SLC35F4: variants seen among roughly 807,000 people sequenced by gnomAD.
SLC35F4 encodes solute carrier family 35 member F4, also known as chromosome 14 open reading frame 36.
Under a neutral mutation model 44.2 loss-of-function variants are expected in SLC35F4, and 24 were observed. That is an observed-to-expected ratio of 0.54 (90% CI 0.39 to 0.76). The LOEUF (loss-of-function observed/expected upper bound fraction) is 0.76, where lower values mean the gene tolerates loss of function less well. Ranked by LOEUF, SLC35F4 falls within the 30% of genes least tolerant of loss-of-function variation. The pLI is 0.00. For synonymous variants in SLC35F4, 238 were observed against 223.6 expected (o/e 1.06, Z -0.57); for missense variants, 562 against 586.1 (o/e 0.96, Z 0.42).
At chr14:57,806,451 C>T (rs1881331874) in intron 1 of SLC35F4, among the ~76,000 whole-genome samples, 1 of 152,140 alleles carries the variant, frequency 6.6e-6, no homozygotes, top group Non-Finnish European at 1.5e-5. Context: ...CCAATCATGT[C>T]TCCAAATTTT....
chr14:57,936,718 C>T (rs966412425), intron 1 of SLC35F4, among the ~76,000 whole-genome samples: 1 of 152,078 alleles, frequency 6.6e-6, no homozygotes, highest in Non-Finnish European at 1.5e-5. Flanking sequence ...GCACTAGACT[C>T]AGTATTGGGA....
At chr14:57,742,897 C>G (rs1321661232) in intron 1 of SLC35F4, among the ~76,000 whole-genome samples, 1 of 152,172 alleles carries the variant, frequency 6.6e-6, no homozygotes, top group African/African-American at 2.4e-5. Flanking sequence ...TGCAATCAAA[C>G]TAGAACTCAG....
chr14:57,785,499 G>C, intron 1 of SLC35F4, among the ~76,000 whole-genome samples: 1 of 152,158 alleles, frequency 6.6e-6, no homozygotes, highest in East Asian at 1.9e-4. Flanking sequence ...CCAGATAACT[G>C]TAAGAACAAA....
At chr14:57,770,760 G>C (rs774323344) in intron 1 of SLC35F4, among the ~76,000 whole-genome samples, 5 of 151,952 alleles carry the variant, frequency 3.3e-5, no homozygotes, top group African/African-American at 1.2e-4. Context: ...TACAAGTCTT[G>C]GTATTTTTCT....
rs539893103 is a variant in SLC35F4 at position 57,569,676 on chromosome 14, G to A, written c.1126+112C>T. The A allele has an allele frequency of 4.7e-5, 56 of 1,203,570 alleles. No homozygotes were observed. The South Asian group carries it at 9.8e-4, about 21-fold the overall frequency. The allele number at this position is 1,203,570 out of a possible 1,614,324, so 74.6% of individuals were successfully genotyped here. ...TGACCAACGACATTGAACAACATAA[G>A]TTTGGGAACTAGAGCACAGAGTTAC... is the stretch of plus-strand genomic sequence containing the variant. On this transcript the variant is annotated intron_variant, in intron 6 of 7. Transcript: ENST00000556826.
intron 1 of SLC35F4, among the ~76,000 whole-genome samples, chr14:57,964,727 G>C (rs1281883529): frequency 2.0e-5 from 3 of 152,014 alleles, no homozygotes; most frequent in Non-Finnish European, 2.9e-5. Flanking sequence ...GCCTCAAGGT[G>C]GGGAAGGTAG....
chr14:57,730,718 A>G (rs1486801296), intron 1 of SLC35F4, among the ~76,000 whole-genome samples: 1 of 152,066 alleles, frequency 6.6e-6, no homozygotes, highest in Non-Finnish European at 1.5e-5. Flanking sequence ...GCATTATTTT[A>G]TTTCTCCCTG....
chr14:57,641,172 A>G lies in SLC35F4; in HGVS notation c.104-47048T>C, dbSNP rs562760726. Among the ~76,000 whole-genome samples the G allele has an allele frequency of 1.1e-4, 17 of 148,074 alleles. 1 individual carries two copies. Among genetic ancestry groups the G allele is most frequent in the African/African-American group, 4.0e-4 (16 of 40,284 alleles). ...AAATGTAAGCCTTTTTCTATTCAAT[A>G]TCAAAAGCACCTATTGCATCCTAAT... On this transcript the variant is annotated intron_variant, in intron 1 of 7. Transcript: ENST00000556826.
chr14:57,638,416 T>A (rs2073096101), intron 1 of SLC35F4, among the ~76,000 whole-genome samples: 1 of 152,120 alleles, frequency 6.6e-6, no homozygotes, highest in South Asian at 2.1e-4. Context: ...GTATGTTTGT[T>A]CAGCACACGT....
chr14:57,660,096 A>T (rs73303894), intron 1 of SLC35F4, among the ~76,000 whole-genome samples: 1 of 152,208 alleles, frequency 6.6e-6, no homozygotes, highest in Non-Finnish European at 1.5e-5. Flanking sequence ...TTTGACTTGC[A>T]TATCTATTTG....
At chr14:57,711,764 C>T (rs932734580) in intron 1 of SLC35F4, among the ~76,000 whole-genome samples, 5 of 152,114 alleles carry the variant, frequency 3.3e-5, no homozygotes, top group African/African-American at 9.7e-5. Context: ...CTTATCAAAC[C>T]GAAGCGCAGA....
chr14:57,634,068 T>C (rs1054205398), intron 1 of SLC35F4, among the ~76,000 whole-genome samples: 29 of 152,024 alleles, frequency 1.9e-4, no homozygotes, highest in Non-Finnish European at 1.6e-4. Flanking sequence ...AGCTGTAAAA[T>C]GAGATAAGGA....
At chr14:57,942,771 C>T (rs1474341569) in intron 1 of SLC35F4, among the ~76,000 whole-genome samples, 1 of 152,140 alleles carries the variant, frequency 6.6e-6, no homozygotes, top group Non-Finnish European at 1.5e-5. Flanking sequence ...TCCAGATCTA[C>T]CCTGGTGATT....
intron 1 of SLC35F4, among the ~76,000 whole-genome samples, chr14:57,837,974 A>G (rs1487420733): frequency 6.6e-6 from 1 of 152,150 alleles, no homozygotes; most frequent in Non-Finnish European, 1.5e-5. Context: ...CATATCTTGT[A>G]TCTACAACTT....
chr14:57,875,426 T>G (rs1397964260), intron 1 of SLC35F4, among the ~76,000 whole-genome samples: 1 of 152,224 alleles, frequency 6.6e-6, no homozygotes, highest in Admixed American at 6.5e-5. Context: ...TGGCTTAAAA[T>G]AACAACCATT....
intron 1 of SLC35F4, among the ~76,000 whole-genome samples, chr14:57,893,417 G>T (rs967550494): frequency 5.9e-5 from 9 of 152,034 alleles, no homozygotes; most frequent in African/African-American, 2.2e-4. Flanking sequence ...TTATGTAAAG[G>T]TTTAGAGAGG....
intron 1 of SLC35F4, among the ~76,000 whole-genome samples, chr14:57,712,842 C>T (rs1032795744): frequency 6.6e-6 from 1 of 152,122 alleles, no homozygotes; most frequent in Non-Finnish European, 1.5e-5. Context: ...GTGATGTAAA[C>T]AATTTTAAAG....
chr14:57,615,710 T>A (rs1028924086), intron 1 of SLC35F4, among the ~76,000 whole-genome samples: 3 of 152,170 alleles, frequency 2.0e-5, no homozygotes, highest in Non-Finnish European at 4.4e-5. Flanking sequence ...ATGTGATAAA[T>A]TAAACTTATG....
At chr14:57,698,189 T>C (rs1030105056) in intron 1 of SLC35F4, among the ~76,000 whole-genome samples, 2 of 152,226 alleles carry the variant, frequency 1.3e-5, no homozygotes, top group Non-Finnish European at 2.9e-5. Flanking sequence ...CTTTCCCCTA[T>C]CATGGCTGCA....
Sources: allele counts gnomAD v4.1 joint callset (sites outside exome capture counted in the v4.1 genomes callset), GRCh38; gene constraint gnomAD v4.1.1; transcripts MANE v1.5; gene names NCBI Gene and HGNC (gene_info 2026-07-23, HGNC 2026-07-21).